The following PAPPA variants were observed in gnomAD, a reference collection of about 807,000 sequenced individuals.
PAPPA encodes pappalysin-1.
A neutral mutation model predicts 164.0 loss-of-function variants in PAPPA; 60 were observed. The observed-to-expected ratio is 0.37, with a 90% CI of 0.30 to 0.45. The LOEUF (loss-of-function observed/expected upper bound fraction) is 0.45. Ranked by LOEUF, PAPPA falls within the 20% of genes least tolerant of loss-of-function variation. The probability of loss-of-function intolerance (pLI) is 1.00; values close to 1 mark genes in which losing one functional copy is unlikely to be tolerated. For missense variants in PAPPA, 1,782 were observed against 2,087.3 expected (o/e 0.85, Z 2.85); for synonymous variants, 875 against 814.1 (o/e 1.07, Z -1.27).
rs750888839 is a variant in PAPPA at position 116,347,221 on chromosome 9, G to T, written c.3964+12G>T. 6.3e-7 allele frequency: 1 copy of T among 1,590,796 alleles called. No homozygotes were observed. The highest frequency in any genetic ancestry group is 1.1e-5 in the South Asian group (1 of 87,252). On this transcript the variant is annotated intron_variant, in intron 15 of 21. Coordinates refer to ENST00000328252, the MANE Select transcript of PAPPA (RefSeq NM_002581.5). The surrounding 1 kb of genome is among the most constrained non-coding windows in gnomAD (Gnocchi z 4.5). ...TGCACAATTGAAAGGTATCAAGAAC[G>T]CCTTCCCCAGCTCAGCCTTCCTTTG... is the stretch of plus-strand genomic sequence containing the variant.
In PAPPA at chr9:116,396,668, T is replaced by C. The variant is rs1337779035; in HGVS notation, c.*52T>C. ...TCCCAACGCCAGGACCCACATCCCTTTGGTATTGATTTCACAGTCAGCTGC... is the reference window on the plus strand; with the variant it reads ...TCCCAACGCCAGGACCCACATCCCTCTGGTATTGATTTCACAGTCAGCTGC... On this transcript the variant is annotated 3_prime_UTR_variant, in exon 22 of 22. Coordinates refer to ENST00000328252, the MANE Select transcript of PAPPA (RefSeq NM_002581.5). The C allele has an allele frequency of 1.3e-6, 1 of 761,768 alleles. No individual in the cohort carries two copies. Among genetic ancestry groups the C allele is most frequent in the Non-Finnish European group, 2.5e-6 (1 of 407,258 alleles). 47.2% of individuals were successfully genotyped at this position (761,768 alleles called of 1,614,324 possible).
At chr9:116,365,316 T>C (rs563843522) in intron 18 of PAPPA, among the ~76,000 whole-genome samples, 16 of 152,078 alleles carry the variant, frequency 1.1e-4, no homozygotes, top group Non-Finnish European at 2.1e-4. Context: ...TTGCTGCTGC[T>C]GCCACCAGGG....
At chr9:116,288,090 G>A (rs1020030920) in intron 9 of PAPPA, among the ~76,000 whole-genome samples, 15 of 152,132 alleles carry the variant, frequency 9.9e-5, no homozygotes, top group African/African-American at 3.4e-4. Context: ...TTAGGACCAG[G>A]CCAGGCGCGA....
At chr9:116,185,364 T>G (rs1843957669) in intron 1 of PAPPA, among the ~76,000 whole-genome samples, 1 of 152,104 alleles carries the variant, frequency 6.6e-6, no homozygotes, top group African/African-American at 2.4e-5. Context: ...CTGCTGGCCA[T>G]GTCAGCTGCT....
At chr9:116,343,107 A>G (rs533226594) in intron 13 of PAPPA, among the ~76,000 whole-genome samples, 2 of 152,328 alleles carry the variant, frequency 1.3e-5, no homozygotes, top group African/African-American at 4.8e-5. Context: ...AAGTAACCTA[A>G]TCTTGCCAGT....
At chr9:116,248,857 T>A (rs1476756000) in intron 7 of PAPPA, among the ~76,000 whole-genome samples, 2 of 152,236 alleles carry the variant, frequency 1.3e-5, no homozygotes, top group African/African-American at 4.8e-5. Flanking sequence ...AAAATCATGA[T>A]AATACACATC....
chr9:116,312,511 C>T (rs1845733237), intron 10 of PAPPA, among the ~76,000 whole-genome samples: 1 of 152,156 alleles, frequency 6.6e-6, no homozygotes, highest in African/African-American at 2.4e-5. Context: ...GTCCCTAAAA[C>T]CACATACTCA....
At chr9:116,374,995 C>G (rs1201822625) in intron 19 of PAPPA, among the ~76,000 whole-genome samples, 1 of 152,226 alleles carries the variant, frequency 6.6e-6, no homozygotes, top group Non-Finnish European at 1.5e-5. Flanking sequence ...CACGCTTCAC[C>G]CTGGAAGGAT....
chr9:116,174,411 C>T (rs1843808894), intron 1 of PAPPA, among the ~76,000 whole-genome samples: 1 of 152,140 alleles, frequency 6.6e-6, no homozygotes, highest in Admixed American at 6.6e-5. Flanking sequence ...ACTGTGTGGG[C>T]TGTGTTTTTA....
chr9:116,310,308 A>C (rs1845700620), intron 10 of PAPPA, among the ~76,000 whole-genome samples: 1 of 152,210 alleles, frequency 6.6e-6, no homozygotes, highest in South Asian at 2.1e-4. Context: ...GAACATGCTG[A>C]AATTTCAGAG....
In PAPPA at chr9:116,395,369, G is replaced by A. The variant is rs771481508; in HGVS notation, c.4777-1140G>A. ...GAGTCCACAAGTACATGAGAGAGAA[G>A]GATAGAAACAAAGATTCTCTCTGAG... is the stretch of plus-strand genomic sequence containing the variant. On this transcript the variant is annotated intron_variant, in intron 21 of 21. Coordinates refer to ENST00000328252, the MANE Select transcript of PAPPA (RefSeq NM_002581.5). Among the ~76,000 whole-genome samples the A allele has an allele frequency of 2.6e-5, 4 of 152,112 alleles. No homozygotes were observed. The South Asian group carries it at 8.3e-4, about 31-fold the overall frequency.
chr9:116,335,408 C>G (rs1471524421), intron 13 of PAPPA, among the ~76,000 whole-genome samples: 1 of 152,126 alleles, frequency 6.6e-6, no homozygotes, highest in Non-Finnish European at 1.5e-5. Flanking sequence ...AGGATTAGCT[C>G]TCTTTTATCT....
chr9:116,243,224 G>T (rs537055469), intron 7 of PAPPA, among the ~76,000 whole-genome samples: 75 of 152,310 alleles, frequency 4.9e-4, no homozygotes, highest in African/African-American at 1.8e-3. Flanking sequence ...TAAGAACCAT[G>T]ACACATTCTG....
chr9:116,382,367 C>G (rs758102748), intron 20 of PAPPA, 28 bp from the exon 21 acceptor site: 1 of 1,469,250 alleles, frequency 6.8e-7, no homozygotes, highest in South Asian at 1.1e-5. Context: ...AACAAGGCCT[C>G]ATTTCCTCCT....
At chr9:116,386,131 T>A (rs954590591) in intron 21 of PAPPA, among the ~76,000 whole-genome samples, 1 of 152,208 alleles carries the variant, frequency 6.6e-6, no homozygotes, top group African/African-American at 2.4e-5. Flanking sequence ...AAGGGCCTCC[T>A]TTATGGCAGA....
intron 4 of PAPPA, among the ~76,000 whole-genome samples, chr9:116,219,319 G>A (rs756389659): frequency 3.3e-5 from 5 of 152,166 alleles, no homozygotes; most frequent in Non-Finnish European, 5.9e-5. Flanking sequence ...CCTCATCATG[G>A]GCAGGAACTT....
chr9:116,186,476 T>C (rs1843972402), intron 1 of PAPPA, among the ~76,000 whole-genome samples: 1 of 152,056 alleles, frequency 6.6e-6, no homozygotes, highest in Non-Finnish European at 1.5e-5. Context: ...CTGAAGTGTG[T>C]TTTCTTTCTT....
intron 12 of PAPPA, chr9:116,332,708 A>T (rs1846010189): frequency 4.8e-6 from 2 of 415,628 alleles, no homozygotes; most frequent in Non-Finnish European, 8.8e-6. Flanking sequence ...TCTGCCAGCC[A>T]CCTTTAACTC....
rs111817891 is a variant in PAPPA, at chr9:116,332,727, T to C, written c.3397+259T>C. The C allele has an allele frequency of 6.4e-3, 2,318 of 361,480 alleles. 35 individuals carry two copies. The highest frequency in any genetic ancestry group is 0.039 in the African/African-American group (1,932 of 49,362). The allele number at this position is 361,480 out of a possible 1,614,324, so 22.4% of individuals were successfully genotyped here. A position where few individuals can be genotyped will look rare whatever the true frequency, so the allele number is the denominator to read the frequency against. ...CCAGCCACCTTTAACTCAGACATCCTGTATTATTCCCCACAGACCCCAAGA... is the reference window on the plus strand; with the variant it reads ...CCAGCCACCTTTAACTCAGACATCCCGTATTATTCCCCACAGACCCCAAGA... On this transcript the variant is annotated intron_variant, in intron 12 of 21. Coordinates refer to ENST00000328252, the MANE Select transcript of PAPPA (RefSeq NM_002581.5).
Sources: allele counts gnomAD v4.1 joint callset (sites outside exome capture counted in the v4.1 genomes callset), GRCh38; gene constraint gnomAD v4.1.1; non-coding constraint Gnocchi (gnomAD v3.1); transcripts MANE v1.5; gene names NCBI Gene and HGNC (gene_info 2026-07-23, HGNC 2026-07-21).